The following DOCK5 variants were observed in gnomAD, a reference collection of about 807,000 sequenced individuals.
DOCK5 encodes dedicator of cytokinesis protein 5.
In DOCK5, 142 loss-of-function variants were observed where a neutral mutation model predicts 251.8. The ratio of observed to expected loss-of-function variants is 0.56; its 90% CI spans 0.49 to 0.65. The LOEUF (loss-of-function observed/expected upper bound fraction) is 0.65. DOCK5 is among the 30% of genes least tolerant of loss of function. The pLI, the probability that DOCK5 is intolerant of heterozygous loss-of-function variation, is 0.00. For synonymous variants in DOCK5, 842 were observed against 835.5 expected, an observed-to-expected ratio of 1.01 and a Z score of -0.13; for missense variants, 2,111 against 2,312.3, an observed-to-expected ratio of 0.91 and a Z score of 1.79.
chr8:25,395,527 G>A lies in DOCK5; in HGVS notation c.4528-16G>A, dbSNP rs1325410626. ...CTGACAAGTGTCCTCTTTCTCCCAT[G>A]TGCTCTGTCACTCAGGAAGAGATCA... On this transcript the variant is annotated splice_polypyrimidine_tract_variant and intron_variant, in intron 44 of 51. Coordinates refer to ENST00000276440, the MANE Select transcript of DOCK5 (RefSeq NM_024940.8). The A allele has an allele frequency of 1.9e-6, 3 of 1,599,738 alleles. No homozygotes were observed. The highest frequency in any genetic ancestry group is 3.7e-5 in the Admixed American group (2 of 54,574).
At chr8:25,331,801 T>TATAGAG (rs1339651435) in intron 18 of DOCK5, among the ~76,000 whole-genome samples, 14 of 118,512 alleles carry the variant, frequency 1.2e-4, no homozygotes, top group African/African-American at 2.8e-4. Flanking sequence ...TATATATATA[T>TATAGAG]AGAGAGAGAG....
intron 23 of DOCK5, among the ~76,000 whole-genome samples, 186 bp from the exon 24 acceptor site, chr8:25,341,553 A>T (rs577199212): frequency 6.6e-6 from 1 of 152,322 alleles, no homozygotes; most frequent in South Asian, 2.1e-4. Flanking sequence ...ACCCCCTGGC[A>T]TCTTCAGGAA....
intron 21 of DOCK5, among the ~76,000 whole-genome samples, chr8:25,335,269 C>A (rs1409912310): frequency 6.6e-6 from 1 of 152,184 alleles, no homozygotes; most frequent in Non-Finnish European, 1.5e-5. Context: ...AGCCTCACAT[C>A]CAGGTGGGCA....
rs1163473900 is a variant in DOCK5, at chr8:25,210,047, T to A, written c.43+25096T>A. On this transcript the variant is annotated intron_variant, in intron 1 of 51. Coordinates refer to ENST00000276440, the MANE Select transcript of DOCK5 (RefSeq NM_024940.8). ...ATATATATATATAAATGTGTGTGTG[T>A]GTGTGTGTGTGTGTGTGTGTGTATC... is the stretch of plus-strand genomic sequence containing the variant. 5.6e-4 allele frequency among the ~76,000 whole-genome samples: 14 copies of A among 25,116 alleles called. 4 individuals are homozygous for A. The highest frequency in any genetic ancestry group is 1.7e-3 in the African/African-American group (12 of 6,936). The allele number at this position is 25,116 out of a possible 152,430, so 16.5% of individuals were successfully genotyped here.
intron 20 of DOCK5, among the ~76,000 whole-genome samples, chr8:25,333,362 T>A (rs531051278): frequency 6.6e-6 from 1 of 152,092 alleles, no homozygotes; most frequent in Non-Finnish European, 1.5e-5. Context: ...GAGAAACTAG[T>A]CAGTTTAGGA....
In DOCK5 at chr8:25,240,294, C is replaced by T. The variant is rs1412931877; in HGVS notation, c.44-3380C>T. On this transcript the variant is annotated intron_variant, in intron 1 of 51. Transcript: ENST00000276440. ...AATCTACTTAAAAAAAAAAAAAAAC[C>T]AGCTTCCGTCAAGTGTAATTTATAT... Among the ~76,000 whole-genome samples the T allele has an allele frequency of 2.0e-5, 3 of 150,578 alleles. No individual in the cohort carries two copies. In the South Asian group the frequency reaches 6.3e-4, roughly 32 times the overall value.
At chr8:25,204,838 C>G (rs1258540076) in intron 1 of DOCK5, among the ~76,000 whole-genome samples, 1 of 152,156 alleles carries the variant, frequency 6.6e-6, no homozygotes, top group East Asian at 1.9e-4. Flanking sequence ...CCAAATCTCT[C>G]AGTCGTCTTT....
intron 18 of DOCK5, 105 bp downstream of exon 18, chr8:25,325,652 G>A: frequency 7.3e-7 from 1 of 1,372,534 alleles, no homozygotes; most frequent in African/African-American, 1.5e-5. Context: ...GGTCTTATTA[G>A]GTAGGATGTT....
chr8:25,401,654 T>C (rs1179278096), intron 47 of DOCK5, among the ~76,000 whole-genome samples: 1 of 152,016 alleles, frequency 6.6e-6, no homozygotes, highest in Non-Finnish European at 1.5e-5. Context: ...GAATTGCTTG[T>C]ACCCAGGAGG....
rs1297017655 is a variant in DOCK5 at position 25,187,211 on chromosome 8, C to CTATATATACATATATATACGTATATA, written c.43+2271_43+2296dup. Among the ~76,000 whole-genome samples the CTATATATACATATATATACGTATATA allele has an allele frequency of 3.7e-3, 545 of 146,792 alleles. 2 individuals carry two copies. The highest frequency in any genetic ancestry group is 6.1e-3 in the Admixed American group (89 of 14,546). ...GTGAGACCCGATCTCAAAAAAAAAACTATATATACATATATATACGTATAT... is the reference window on the plus strand; with the variant it reads ...GTGAGACCCGATCTCAAAAAAAAAACTATATATACATATATATACGTATATATATATATACATATATATACGTATAT... On this transcript the variant is annotated intron_variant, in intron 1 of 51. Coordinates refer to ENST00000276440, the MANE Select transcript of DOCK5 (RefSeq NM_024940.8).
rs956054930 is a variant in DOCK5, at chr8:25,352,055, A to T, written c.2850+229A>T. Among the ~76,000 whole-genome samples, 37 of 151,970 alleles carry T rather than the reference A, an allele frequency of 2.4e-4. 1 individual carries two copies. Among genetic ancestry groups the T allele is most frequent in the African/African-American group, 8.9e-4 (37 of 41,470 alleles). On this transcript the variant is annotated intron_variant, in intron 27 of 51. Transcript: ENST00000276440. ...GAGACCCCATCCCTACAAAAAATTT[A>T]AAAAATTAGCTGGGTGTGGTGGTGG...
chr8:25,271,054 T>C (rs1166399518), intron 3 of DOCK5: 36 of 427,222 alleles, frequency 8.4e-5, no homozygotes. Flanking sequence ...GAACCCATGA[T>C]ATGGAGGGCC....
intron 39 of DOCK5, among the ~76,000 whole-genome samples, chr8:25,380,601 A>G (rs982896382): frequency 6.6e-5 from 10 of 152,210 alleles, no homozygotes; most frequent in Non-Finnish European, 1.0e-4. Context: ...AAGGTTCAGG[A>G]CATCTCTGGA....
intron 1 of DOCK5, among the ~76,000 whole-genome samples, chr8:25,228,831 T>A (rs1253105163): frequency 6.6e-6 from 1 of 152,214 alleles, no homozygotes; most frequent in Non-Finnish European, 1.5e-5. Context: ...TTTAATTTAG[T>A]CTATGTTTTA....
chr8:25,377,452 G>A (rs1194049100), intron 38 of DOCK5, 28 bp downstream of exon 38: 2 of 1,607,018 alleles, frequency 1.2e-6, no homozygotes, highest in Non-Finnish European at 1.7e-6. Context: ...TTTGTACTAG[G>A]GGAAAGAGGA....
chr8:25,411,083 A>G (rs1039322249), intron 51 of DOCK5, 111 bp from the exon 52 acceptor site: 3 of 1,333,232 alleles, frequency 2.3e-6, no homozygotes, highest in Non-Finnish European at 2.9e-6. Context: ...GCCTGTGTAG[A>G]TAAACTCAGA....
rs777335881 is a variant in DOCK5, at chr8:25,374,640, G to C, written c.3802G>C (p.Ala1268Pro). 1 of 1,613,816 alleles carries C rather than the reference G, an allele frequency of 6.2e-7. No homozygotes were observed. The highest frequency in any genetic ancestry group is 1.7e-5 in the Admixed American group (1 of 59,992). The part of the protein sequence containing the change: ...TEAAYTLLLH[A>P]ELLQWSDKPC... ...AGCTGCCTACACGCTTCTCTTGCAC[G>C]CTGAGCTTCTGCAGGTGAATGGCTC... Residue 1268 changes from alanine to proline, a missense_variant, in exon 37 of 52, where the codon GCT becomes CCT. Physicochemically the swap from Ala to Pro is conservative, Grantham distance 27. This residue lies in a region of DOCK5 where 1,717 missense variants were observed against 1,892.4 expected (regional missense o/e 0.91). Coordinates refer to ENST00000276440, the MANE Select transcript of DOCK5 (RefSeq NM_024940.8).
intron 1 of DOCK5, among the ~76,000 whole-genome samples, chr8:25,190,322 G>A (rs1033018655): frequency 3.4e-4 from 52 of 152,190 alleles, no homozygotes; most frequent in African/African-American, 1.2e-3. Context: ...TTCAAAGTTC[G>A]TGATACTGCA....
chr8:25,234,959 T>TAGTGTCCATCTTTGAGGGGG (rs1586250967), intron 1 of DOCK5, among the ~76,000 whole-genome samples: 1 of 152,236 alleles, frequency 6.6e-6, no homozygotes, highest in East Asian at 1.9e-4. Context: ...TGATGAGGGG[T>TAGTGTCCATCTTTGAGGGGG]TAGTGTCCAT....
Sources: allele counts gnomAD v4.1 joint callset (sites outside exome capture counted in the v4.1 genomes callset), GRCh38; gene constraint gnomAD v4.1.1; regional missense constraint gnomAD v4.1.1; transcripts MANE v1.5; gene names NCBI Gene and HGNC (gene_info 2026-07-23, HGNC 2026-07-21).